Variants in RIN2 observed in about 807,000 individuals in gnomAD.
RIN2 encodes the protein Ras and Rab interactor 2.
In RIN2, 36 loss-of-function variants were observed where a neutral mutation model predicts 78.0. That is an observed-to-expected ratio of 0.46 (90% CI 0.35 to 0.61). The LOEUF (loss-of-function observed/expected upper bound fraction) is 0.61, where lower values mean the gene tolerates loss of function less well. Ranked by LOEUF, RIN2 falls within the 20% of genes least tolerant of loss-of-function variation. The pLI, the probability that RIN2 is intolerant of heterozygous loss-of-function variation, is 0.00. For missense variants in RIN2, 1,087 were observed against 1,159.7 expected, an observed-to-expected ratio of 0.94 and a Z score of 0.91; for synonymous variants, 466 against 466.8, an observed-to-expected ratio of 1.00 and a Z score of 0.02.
chr20:19,852,728 T>C (rs943631808), intron 2 of RIN2, among the ~76,000 whole-genome samples: 5 of 152,180 alleles, frequency 3.3e-5, no homozygotes, highest in Non-Finnish European at 7.4e-5. Context: ...TACAAGGTAA[T>C]AATGAAATTA....
chr20:19,970,447 C>A (rs1357250245), intron 7 of RIN2, among the ~76,000 whole-genome samples: 1 of 152,228 alleles, frequency 6.6e-6, no homozygotes, highest in Admixed American at 6.5e-5. Flanking sequence ...ATTCCACATT[C>A]CTGCCCAGGC....
At chr20:19,830,388 A>G (rs892621205) in intron 2 of RIN2, among the ~76,000 whole-genome samples, 1 of 152,058 alleles carries the variant, frequency 6.6e-6, no homozygotes, top group Admixed American at 6.6e-5. Flanking sequence ...TTCATGCTTC[A>G]TTCTTGTGCA....
At chr20:19,926,228 A>G (rs553863628) in intron 3 of RIN2, among the ~76,000 whole-genome samples, 1 of 152,350 alleles carries the variant, frequency 6.6e-6, no homozygotes, top group South Asian at 2.1e-4. Flanking sequence ...ACTTTTAAGT[A>G]CAATCATTTA....
intron 2 of RIN2, among the ~76,000 whole-genome samples, chr20:19,840,944 A>G (rs184521109): frequency 3.9e-5 from 6 of 152,292 alleles, no homozygotes; most frequent in Admixed American, 3.9e-4. Context: ...CATCATCTCC[A>G]GTGTGGACTT....
chr20:19,921,407 C>A (rs2039912663), intron 3 of RIN2, among the ~76,000 whole-genome samples: 1 of 152,170 alleles, frequency 6.6e-6, no homozygotes, highest in African/African-American at 2.4e-5. Context: ...CGAGCTCCGC[C>A]TCCTCTCTGT....
intron 3 of RIN2, among the ~76,000 whole-genome samples, chr20:19,890,003 G>A (rs1413765681): frequency 5.9e-5 from 9 of 152,068 alleles, no homozygotes; most frequent in African/African-American, 1.2e-4. Flanking sequence ...CAATGCTGTC[G>A]TCCATGTGTT....
intron 2 of RIN2, among the ~76,000 whole-genome samples, chr20:19,885,243 G>A (rs1351048925): frequency 6.6e-6 from 1 of 152,148 alleles, no homozygotes; most frequent in African/African-American, 2.4e-5. Context: ...AGCTGGGGTG[G>A]GGGCAAGAGG....
At chr20:19,834,035 A>G (rs1416100645) in intron 2 of RIN2, among the ~76,000 whole-genome samples, 2 of 152,148 alleles carry the variant, frequency 1.3e-5, no homozygotes, top group Non-Finnish European at 2.9e-5. Context: ...GTAACCCACA[A>G]CTAAGCATCA....
intron 1 of RIN2, among the ~76,000 whole-genome samples, chr20:19,769,713 C>T (rs2034039676): frequency 6.6e-6 from 1 of 152,162 alleles, no homozygotes; most frequent in South Asian, 2.1e-4. Flanking sequence ...CATGCAGCAG[C>T]TGGAGTAATG....
intron 3 of RIN2, among the ~76,000 whole-genome samples, chr20:19,901,680 C>T (rs2038988916): frequency 6.6e-6 from 1 of 152,174 alleles, no homozygotes; most frequent in African/African-American, 2.4e-5. Flanking sequence ...AGGCACAGCC[C>T]AGCCTTCTTC....
intron 3 of RIN2, among the ~76,000 whole-genome samples, chr20:19,925,511 A>G (rs2040190821): frequency 6.6e-6 from 1 of 152,224 alleles, no homozygotes; most frequent in Non-Finnish European, 1.5e-5. Context: ...AATGAAAGAG[A>G]TCATATGTGA....
At chr20:19,917,534 G>A (rs574160063) in intron 3 of RIN2, among the ~76,000 whole-genome samples, 4 of 152,292 alleles carry the variant, frequency 2.6e-5, no homozygotes, top group Non-Finnish European at 4.4e-5. Context: ...CACTCCACTC[G>A]GGAATGAAGC....
At position 19,842,387 on chromosome 20, in the gene RIN2, C is replaced by CTTTTTTTTTTT. The variant is rs139642869; in HGVS notation, c.-37+42656_-37+42666dup. 4.3e-4 allele frequency among the ~76,000 whole-genome samples: 20 copies of CTTTTTTTTTTT among 46,198 alleles called. 4 individuals carry two copies. Among genetic ancestry groups the CTTTTTTTTTTT allele is most frequent in the Admixed American group, 7.8e-4 (2 of 2,564 alleles). The allele number at this position is 46,198 out of a possible 152,430, so 30.3% of individuals were successfully genotyped here. On this transcript the variant is annotated intron_variant, in intron 2 of 12. Transcript: ENST00000255006. Reference sequence around the variant, plus strand: ...TACAGGCACTCACCACCATCCCTGGCTTTTTTTTTTTTTTTTTTTTTTTTT... The same window carrying CTTTTTTTTTTT: ...TACAGGCACTCACCACCATCCCTGGCTTTTTTTTTTTTTTTTTTTTTTTTTTTTTTTTTTTT...
chr20:19,824,204 C>T (rs1257734227), intron 2 of RIN2, among the ~76,000 whole-genome samples: 1 of 152,226 alleles, frequency 6.6e-6, no homozygotes, highest in Non-Finnish European at 1.5e-5. Flanking sequence ...AAGCCTACGG[C>T]AGAGAAGGAA....
intron 9 of RIN2, among the ~76,000 whole-genome samples, chr20:19,986,260 G>A (rs924765324): frequency 6.6e-6 from 1 of 151,968 alleles, no homozygotes; most frequent in African/African-American, 2.4e-5. Flanking sequence ...AGAGCCAGCT[G>A]GATCGTGGGT....
chr20:19,893,197 A>G (rs1025188388), intron 3 of RIN2, among the ~76,000 whole-genome samples: 7 of 152,192 alleles, frequency 4.6e-5, no homozygotes, highest in Non-Finnish European at 1.0e-4. Context: ...TGAGGTCGAC[A>G]TTATACCATT....
intron 3 of RIN2, among the ~76,000 whole-genome samples, chr20:19,893,255 G>A (rs536518878): frequency 2.6e-5 from 4 of 152,272 alleles, no homozygotes; most frequent in African/African-American, 4.8e-5. Flanking sequence ...TGATGCTACC[G>A]CAACGCACTT....
intron 3 of RIN2, among the ~76,000 whole-genome samples, chr20:19,905,365 A>G (rs376169706): frequency 5.3e-5 from 8 of 152,310 alleles, no homozygotes; most frequent in Middle Eastern, 3.4e-3. Context: ...AGGGAGTGAG[A>G]GAACCTCTGA....
intron 3 of RIN2, among the ~76,000 whole-genome samples, chr20:19,912,475 C>CTTTTTTTTTTTTTTTTTTTT (rs545323465): frequency 3.6e-4 from 40 of 110,932 alleles, no homozygotes; most frequent in East Asian, 1.1e-3. Context: ...TTTTCTTTTT[C>CTTTTTTTTTTTTTTTTTTTT]TTTTTTTTTT....
Sources: allele counts gnomAD v4.1 joint callset (sites outside exome capture counted in the v4.1 genomes callset), GRCh38; gene constraint gnomAD v4.1.1; transcripts MANE v1.5; gene names NCBI Gene and HGNC (gene_info 2026-07-23, HGNC 2026-07-21).